TBC1D22B: variants seen among roughly 807,000 people sequenced by gnomAD.
TBC1D22B encodes the protein chromosome 6 open reading frame 197.
TBC1D22B carries 32 observed loss-of-function variants against 69.1 expected under a neutral mutation model. The ratio of observed to expected loss-of-function variants is 0.46; its 90% confidence interval spans 0.35 to 0.62. The LOEUF is 0.62. Among genes scored for constraint, TBC1D22B ranks in the 20% least tolerant of loss-of-function variants. TBC1D22B has a pLI of 0.00. For missense variants in TBC1D22B, 462 were observed against 630.9 expected, an observed-to-expected ratio of 0.73 and a Z score of 2.87; for synonymous variants, 206 against 229.8, an observed-to-expected ratio of 0.90 and a Z score of 0.94.
chr6:37,280,968 A>G (rs1583539976), intron 3 of TBC1D22B, among the ~76,000 whole-genome samples: 1 of 152,214 alleles, frequency 6.6e-6, no homozygotes, highest in African/African-American at 2.4e-5. Context: ...CCCTCGTTAC[A>G]CTAGGCATCC....
chr6:37,278,705 G>A lies in TBC1D22B; in HGVS notation c.114-599G>A, dbSNP rs565805661. On this transcript the variant is annotated intron_variant, in intron 2 of 12. Coordinates refer to ENST00000373491, the MANE Select transcript of TBC1D22B (RefSeq NM_017772.4). The stretch of plus-strand genomic sequence containing the variant: ...AACGATTTGGGAGGCCGAGGTGGGA[G>A]GATCACTTGAACCCAGGAGTTCAAG... Among the ~76,000 whole-genome samples, 5 of 152,274 alleles carry A rather than the reference G, an allele frequency of 3.3e-5. No individual in the cohort carries two copies. The East Asian group carries it at 7.7e-4, about 23-fold the overall frequency.
intron 12 of TBC1D22B, among the ~76,000 whole-genome samples, chr6:37,324,814 A>C (rs570796629): frequency 6.6e-5 from 10 of 152,334 alleles, no homozygotes; most frequent in African/African-American, 2.2e-4. Flanking sequence ...ATTGGGCTCA[A>C]ATCCCTGGCT....
In TBC1D22B at chr6:37,274,049, A is replaced by G. The variant is rs147395365; in HGVS notation, c.113+4399A>G. On this transcript the variant is annotated intron_variant, in intron 2 of 12. Coordinates refer to ENST00000373491, the MANE Select transcript of TBC1D22B (RefSeq NM_017772.4). Reference sequence around the variant, plus strand: ...GATACTATTGCCTGCAGTAATTTTTATAGCTCAGATAAAGCTAGTCTCATT... The same window carrying G: ...GATACTATTGCCTGCAGTAATTTTTGTAGCTCAGATAAAGCTAGTCTCATT... 2.8e-4 allele frequency among the ~76,000 whole-genome samples: 42 copies of G among 152,366 alleles called. 1 individual carries two copies. In the East Asian group the frequency reaches 5.2e-3, roughly 19 times the overall value.
intron 7 of TBC1D22B, among the ~76,000 whole-genome samples, chr6:37,288,242 A>G (rs1358161696): frequency 2.6e-5 from 4 of 152,234 alleles, no homozygotes; most frequent in Admixed American, 1.3e-4. Flanking sequence ...TATTTTAACT[A>G]TAAGATTCAG....
At chr6:37,264,562 C>T (rs752764804) in intron 1 of TBC1D22B, among the ~76,000 whole-genome samples, 1 of 152,146 alleles carries the variant, frequency 6.6e-6, no homozygotes, top group African/African-American at 2.4e-5. Flanking sequence ...CTGCCTGCCT[C>T]GGCCTCTCAA....
At chr6:37,297,304 C>T (rs56008535) in intron 8 of TBC1D22B, among the ~76,000 whole-genome samples, 4,840 of 152,250 alleles carry the variant, frequency 0.032, 240 homozygotes, top group African/African-American at 0.11. Flanking sequence ...CTCCAGCTCC[C>T]ATCCATCTCT....
chr6:37,324,278 A>G, intron 12 of TBC1D22B: 1 of 456,664 alleles, frequency 2.2e-6, no homozygotes, highest in Admixed American at 2.3e-5. Flanking sequence ...TTGCAGAGTA[A>G]AATTAGTCAA....
chr6:37,258,410 C>T (rs1765917863), intron 1 of TBC1D22B, among the ~76,000 whole-genome samples: 1 of 152,112 alleles, frequency 6.6e-6, no homozygotes, highest in African/African-American at 2.4e-5. Context: ...CGGCACTTAC[C>T]CGAAGGATTC....
chr6:37,321,127 T>G (rs1768227463), intron 12 of TBC1D22B, among the ~76,000 whole-genome samples: 1 of 152,194 alleles, frequency 6.6e-6, no homozygotes, highest in East Asian at 1.9e-4. Context: ...GTTAATTCAT[T>G]TCATCCTTGC....
At chr6:37,309,404 T>TTCA (rs1345212272) in intron 8 of TBC1D22B, among the ~76,000 whole-genome samples, 2 of 152,190 alleles carry the variant, frequency 1.3e-5, no homozygotes, top group African/African-American at 2.4e-5. Flanking sequence ...TATGCTTGTA[T>TTCA]TTGCATTGCA....
intron 7 of TBC1D22B, among the ~76,000 whole-genome samples, chr6:37,289,244 C>T (rs1297166485): frequency 9.2e-5 from 14 of 152,156 alleles, no homozygotes; most frequent in East Asian, 3.8e-4. Flanking sequence ...ACACTGAATA[C>T]GGAAAGGCTT....
At chr6:37,271,020 A>G (rs1233732449) in intron 2 of TBC1D22B, among the ~76,000 whole-genome samples, 1 of 152,150 alleles carries the variant, frequency 6.6e-6, no homozygotes, top group Non-Finnish European at 1.5e-5. Context: ...TACTATAAAA[A>G]TGGTGGATAC....
chr6:37,259,190 C>G (rs1583513164), intron 1 of TBC1D22B, among the ~76,000 whole-genome samples: 1 of 151,866 alleles, frequency 6.6e-6, no homozygotes, highest in Non-Finnish European at 1.5e-5. Context: ...TTCTAGTAGA[C>G]ATATGGAGAA....
At chr6:37,327,823 A>T (rs1768473133) in intron 12 of TBC1D22B, among the ~76,000 whole-genome samples, 1 of 152,098 alleles carries the variant, frequency 6.6e-6, no homozygotes. Context: ...GGACCTTGGG[A>T]TGTGCACTCC....
chr6:37,319,394 G>T (rs1034213165), intron 12 of TBC1D22B, among the ~76,000 whole-genome samples: 2 of 152,226 alleles, frequency 1.3e-5, no homozygotes, highest in Non-Finnish European at 2.9e-5. Flanking sequence ...TCAGAGCTTT[G>T]CCATATGTGA....
chr6:37,312,032 C>T (rs149693396), intron 8 of TBC1D22B, among the ~76,000 whole-genome samples: 38 of 152,316 alleles, frequency 2.5e-4, no homozygotes, highest in Middle Eastern at 6.8e-3. Context: ...GCATCTCAGA[C>T]GAGACAGATT....
At position 37,332,821 on chromosome 6, in the gene TBC1D22B, A is replaced by G. The variant is rs1299047132; in HGVS notation, c.*1649A>G. 6.6e-6 allele frequency: 1 copy of G among 152,632 alleles called. No individual in the cohort carries two copies. The highest frequency in any genetic ancestry group is 1.5e-5 in the Non-Finnish European group (1 of 68,046). 9.5% of individuals were successfully genotyped at this position (152,632 alleles called of 1,614,324 possible). A position where few individuals can be genotyped will look rare whatever the true frequency, so the allele number is the denominator to read the frequency against. ...TCAGTGGTCTCCTTCATAGAGTGAG[A>G]GGGCTTGAGACCCTCCCTCAACCGG... On this transcript the variant is annotated 3_prime_UTR_variant, in exon 13 of 13. Coordinates refer to ENST00000373491, the MANE Select transcript of TBC1D22B (RefSeq NM_017772.4).
chr6:37,263,364 A>T (rs1459148187), intron 1 of TBC1D22B, among the ~76,000 whole-genome samples: 2 of 152,272 alleles, frequency 1.3e-5, no homozygotes, highest in Admixed American at 6.5e-5. Context: ...AAAGAGCAAG[A>T]TGTAGAAAGA....
chr6:37,316,988 T>C, intron 11 of TBC1D22B, 123 bp from the exon 12 acceptor site: 1 of 1,470,462 alleles, frequency 6.8e-7, no homozygotes, highest in Non-Finnish European at 9.3e-7. Flanking sequence ...CTAAGTCTCT[T>C]CAGAACTCCA....
Sources: allele counts gnomAD v4.1 joint callset (sites outside exome capture counted in the v4.1 genomes callset), GRCh38; gene constraint gnomAD v4.1.1; transcripts MANE v1.5; gene names NCBI Gene and HGNC (gene_info 2026-07-23, HGNC 2026-07-21).